The following MYO1E variants were observed in gnomAD, a reference collection of about 807,000 sequenced individuals.
The protein encoded by MYO1E is unconventional myosin-Ie.
In MYO1E, 68 loss-of-function variants were observed where a neutral mutation model predicts 151.1. The observed-to-expected ratio is 0.45, with a 90% CI of 0.37 to 0.55. The LOEUF (loss-of-function observed/expected upper bound fraction) is 0.55. Among genes scored for constraint, MYO1E ranks in the 20% least tolerant of loss-of-function variants. The probability of loss-of-function intolerance (pLI) is 0.00; values close to 1 mark genes in which losing one functional copy is unlikely to be tolerated. For synonymous variants in MYO1E, 601 were observed against 501.7 expected, an observed-to-expected ratio of 1.20 and a Z score of -2.64; for missense variants, 1,363 against 1,389.3, an observed-to-expected ratio of 0.98 and a Z score of 0.30.
At chr15:59,310,867 A>C (rs2080547005) in intron 1 of MYO1E, among the ~76,000 whole-genome samples, 1 of 152,030 alleles carries the variant, frequency 6.6e-6, no homozygotes. Flanking sequence ...TATGGTTCTA[A>C]AGAACAAATG....
rs568227969 is a variant in MYO1E at position 59,195,267 on chromosome 15, G to A, written c.1805+194C>T. On this transcript the variant is annotated intron_variant, in intron 17 of 27. Transcript: ENST00000288235. Reference sequence around the variant, plus strand: ...TAAACTGCTAATGCTGAAATGAATGGCACTGCTAACATTTTAGCAAATGAC... The same window carrying A: ...TAAACTGCTAATGCTGAAATGAATGACACTGCTAACATTTTAGCAAATGAC... 2.6e-5 allele frequency among the ~76,000 whole-genome samples: 4 copies of A among 152,314 alleles called. No individual in the cohort carries two copies. The South Asian group carries it at 8.3e-4, about 32-fold the overall frequency.
At chr15:59,151,436 CA>C (rs1263320845) in intron 26 of MYO1E, among the ~76,000 whole-genome samples, 2 of 151,566 alleles carry the variant, frequency 1.3e-5, no homozygotes, top group Non-Finnish European at 2.9e-5. Flanking sequence ...CTCAAACAAA[CA>C]AAAAACCCCC....
chr15:59,331,397 T>G (rs1287389846), intron 1 of MYO1E, among the ~76,000 whole-genome samples: 2 of 152,098 alleles, frequency 1.3e-5, no homozygotes, highest in African/African-American at 4.8e-5. Flanking sequence ...GGAAGAGCAC[T>G]GATATGAGAA....
rs1303677916 is a variant in MYO1E at position 59,261,496 on chromosome 15, G to A, written c.161C>T (p.Ser54Phe). ...GAAAGGGTTGACTGAGATTAATACA[G>A]ATCCTATATATGTCTGAATTTAACT... The part of the protein sequence containing the change: ...MDDYIFTYIG[S>F]VLISVNPFKQ... The change falls in exon 3 of 28, where the codon TCT (serine) becomes TTT (phenylalanine). Residue 54 changes from serine to phenylalanine, a missense_variant. Physicochemically the swap from Ser to Phe is radical, Grantham distance 155 (BLOSUM62 -2). Transcript: ENST00000288235. The A allele has an allele frequency of 2.5e-6, 4 of 1,600,482 alleles. No individual in the cohort carries two copies. In the Admixed American group the frequency reaches 5.0e-5, roughly 20 times the overall value.
At chr15:59,229,892 A>G (rs1337172090) in intron 6 of MYO1E, among the ~76,000 whole-genome samples, 2 of 152,162 alleles carry the variant, frequency 1.3e-5, no homozygotes, top group East Asian at 1.9e-4. Context: ...ACAAGAACAT[A>G]TTGTAAATAT....
intron 1 of MYO1E, among the ~76,000 whole-genome samples, chr15:59,371,175 A>G (rs1311386719): frequency 2.6e-5 from 4 of 152,234 alleles, no homozygotes; most frequent in Non-Finnish European, 5.9e-5. Context: ...GTTTGTAATC[A>G]TTCTTTGGAA....
In MYO1E at chr15:59,176,428, A is replaced by G. The variant is rs543034572; in HGVS notation, c.2049+1965T>C. 1.8e-4 allele frequency among the ~76,000 whole-genome samples: 27 copies of G among 149,436 alleles called. No individual in the cohort carries two copies. In the East Asian group the frequency reaches 4.0e-3, roughly 22 times the overall value. On this transcript the variant is annotated intron_variant, in intron 19 of 27. Transcript: ENST00000288235. ...GAACATTTACTATTAAGGTGAAACCACATGGTAGGTTTTCTTTTTCCTTTT... is the reference window on the plus strand; with the variant it reads ...GAACATTTACTATTAAGGTGAAACCGCATGGTAGGTTTTCTTTTTCCTTTT...
In MYO1E at chr15:59,161,267, C is replaced by T. The variant is rs375966010; in HGVS notation, c.2628-37G>A. 63 of 1,607,644 alleles carry T rather than the reference C, an allele frequency of 3.9e-5. No individual in the cohort carries two copies. The African/African-American group carries it at 4.7e-4, about 12-fold the overall frequency. On this transcript the variant is annotated intron_variant, in intron 23 of 27. Transcript: ENST00000288235. ...ACAGTGGGGTTAACAGGTCGAAGGA[C>T]GCAGTGAGAAAACGGTGCTCAGAGA...
intron 1 of MYO1E, among the ~76,000 whole-genome samples, chr15:59,336,876 G>A (rs762932310): frequency 3.3e-5 from 5 of 151,988 alleles, no homozygotes; most frequent in African/African-American, 4.8e-5. Context: ...GGTTTGCTGA[G>A]AATGACGGTT....
chr15:59,339,535 A>C (rs1030900653), intron 1 of MYO1E, among the ~76,000 whole-genome samples: 13 of 152,266 alleles, frequency 8.5e-5, no homozygotes, highest in Admixed American at 1.3e-4. Flanking sequence ...GCCCCTCCCA[A>C]GAGACACAAA....
intron 24 of MYO1E, among the ~76,000 whole-genome samples, chr15:59,160,519 C>T (rs955584170): frequency 4.6e-5 from 7 of 151,990 alleles, no homozygotes; most frequent in African/African-American, 9.7e-5. Flanking sequence ...AAGCCATCCT[C>T]CCACCTCAGC....
chr15:59,276,564 AT>A (rs1225930937), intron 1 of MYO1E, among the ~76,000 whole-genome samples: 11 of 152,356 alleles, frequency 7.2e-5, no homozygotes, highest in South Asian at 2.1e-4. Flanking sequence ...TCAGATCCAC[AT>A]TCCGTTTCTA....
intron 3 of MYO1E, among the ~76,000 whole-genome samples, chr15:59,261,175 G>T (rs1225286628): frequency 6.6e-6 from 1 of 151,540 alleles, no homozygotes; most frequent in Non-Finnish European, 1.5e-5. Flanking sequence ...ATCATGCCCA[G>T]CCTGGGCAAC....
intron 1 of MYO1E, among the ~76,000 whole-genome samples, chr15:59,305,830 G>A (rs1254614578): frequency 6.6e-6 from 1 of 152,148 alleles, no homozygotes; most frequent in Non-Finnish European, 1.5e-5. Context: ...AAGTGGAAGG[G>A]GTGTATTCAA....
chr15:59,263,157 A>G (rs1443293498), intron 2 of MYO1E, among the ~76,000 whole-genome samples: 2 of 152,224 alleles, frequency 1.3e-5, no homozygotes, highest in Non-Finnish European at 2.9e-5. Flanking sequence ...TTAGATAAAG[A>G]CTTAAAACTA....
chr15:59,213,139 A>AT (rs377633115), intron 12 of MYO1E, among the ~76,000 whole-genome samples: 5,572 of 26,060 alleles, frequency 0.21, 136 homozygotes, highest in South Asian at 0.32. Context: ...CTATTTATTT[A>AT]TTATTATTAT....
chr15:59,161,229 G>A lies in MYO1E; in HGVS notation c.2629C>T (p.Leu877Phe), dbSNP rs1461381627. The change falls in exon 24 of 28, where the codon CTT (leucine) becomes TTT (phenylalanine). Residue 877 changes from leucine (L) to phenylalanine (F), a missense_variant and splice_region_variant. Leu to Phe is a conservative substitution (Grantham distance 22). Coordinates refer to ENST00000288235, the MANE Select transcript of MYO1E (RefSeq NM_004998.4). Reference sequence around the variant, plus strand: ...TTTTCCTTTTTCAACTTCAGTTCAAGCCTGCAAAAAGCACAGTGGGGTTAA... The same window carrying A: ...TTTTCCTTTTTCAACTTCAGTTCAAACCTGCAAAAAGCACAGTGGGGTTAA... ...KQLPLKFSNTLELKLKKENWG... is the reference protein window; with the variant it reads ...KQLPLKFSNTFELKLKKENWG... 2 of 1,613,738 alleles carry A rather than the reference G, an allele frequency of 1.2e-6. No homozygotes were observed. The highest frequency in any genetic ancestry group is 1.7e-6 in the Non-Finnish European group (2 of 1,179,782).
intron 26 of MYO1E, among the ~76,000 whole-genome samples, chr15:59,150,991 TGGAAG>T (rs1566964811): frequency 1.4e-5 from 2 of 143,966 alleles, no homozygotes; most frequent in African/African-American, 5.1e-5. Context: ...TGGGGGGTAG[TGGAAG>T]GGAAGAGGAG....
chr15:59,330,837 T>C (rs963611694), intron 1 of MYO1E, among the ~76,000 whole-genome samples: 1 of 152,172 alleles, frequency 6.6e-6, no homozygotes, highest in African/African-American at 2.4e-5. Context: ...GGTGCAATCA[T>C]GGCTCACTGC....
Sources: allele counts gnomAD v4.1 joint callset (sites outside exome capture counted in the v4.1 genomes callset), GRCh38; gene constraint gnomAD v4.1.1; transcripts MANE v1.5; gene names NCBI Gene and HGNC (gene_info 2026-07-23, HGNC 2026-07-21).